DLC1: variants seen among roughly 807,000 people sequenced by gnomAD.
DLC1 encodes rho GTPase-activating protein 7.
DLC1 carries 54 observed loss-of-function variants against 140.3 expected under a neutral mutation model. The ratio of observed to expected loss-of-function variants is 0.38; its 90% confidence interval spans 0.31 to 0.48. The LOEUF is 0.48. Among genes scored for constraint, DLC1 ranks in the 20% least tolerant of loss-of-function variants. DLC1 has a pLI of 0.96. For missense variants in DLC1, 2,536 were observed against 1,907.0 expected, an observed-to-expected ratio of 1.33 and a Z score of -6.14; for synonymous variants, 986 against 728.1, an observed-to-expected ratio of 1.35 and a Z score of -5.70.
intron 5 of DLC1, among the ~76,000 whole-genome samples, chr8:13,173,320 T>C (rs1452445231): frequency 1.3e-5 from 2 of 151,926 alleles, no homozygotes; most frequent in African/African-American, 4.8e-5. Flanking sequence ...ATTTAACTTT[T>C]GATGCTTCTA....
At chr8:13,412,248 A>G (rs937408581) in intron 2 of DLC1, among the ~76,000 whole-genome samples, 1 of 152,218 alleles carries the variant, frequency 6.6e-6, no homozygotes, top group Non-Finnish European at 1.5e-5. Flanking sequence ...ATGAGAATTA[A>G]TATTTTTTTC....
At position 13,499,666 on chromosome 8, in the gene DLC1, A is replaced by T; in HGVS notation, c.406T>A (p.Ser136Thr). Residue 136 changes from serine (S) to threonine (T), a missense_variant, in exon 2 of 18, where the codon TCA (serine) becomes ACA (threonine). Physicochemically the swap from Ser to Thr is moderately conservative, Grantham distance 58 (BLOSUM62 1). Coordinates refer to ENST00000276297, the MANE Select transcript of DLC1 (RefSeq NM_182643.3). ...QVLNTQGQKTSGQHMIQGAGS... is the reference protein window; with the variant it reads ...QVLNTQGQKTTGQHMIQGAGS... ...GCTCCTTGGATCATATGTTGGCCTGATGTTTTCTGCCCTTGGGTATTTAAA... is the reference window on the plus strand; with the variant it reads ...GCTCCTTGGATCATATGTTGGCCTGTTGTTTTCTGCCCTTGGGTATTTAAA... 6.2e-7 allele frequency: 1 copy of T among 1,614,126 alleles called. No homozygotes were observed. Among genetic ancestry groups the T allele is most frequent in the Non-Finnish European group, 8.5e-7 (1 of 1,180,012 alleles).
intron 1 of DLC1, among the ~76,000 whole-genome samples, chr8:13,571,548 T>C (rs1486979269): frequency 6.6e-6 from 1 of 152,232 alleles, no homozygotes; most frequent in Non-Finnish European, 1.5e-5. Context: ...AGCTGAGTAA[T>C]ATTCCATTGT....
chr8:13,452,881 T>G (rs563380731), intron 2 of DLC1, among the ~76,000 whole-genome samples: 1 of 152,298 alleles, frequency 6.6e-6, no homozygotes, highest in East Asian at 1.9e-4. Context: ...CTCAGCTACC[T>G]CCACAGCTGT....
chr8:13,174,823 T>C (rs1205875640), intron 5 of DLC1, among the ~76,000 whole-genome samples: 1 of 151,892 alleles, frequency 6.6e-6, no homozygotes, highest in Non-Finnish European at 1.5e-5. Context: ...TTTACTCCAT[T>C]GATAATTTTT....
chr8:13,153,154 G>C (rs1307416903), intron 5 of DLC1, among the ~76,000 whole-genome samples: 1 of 152,222 alleles, frequency 6.6e-6, no homozygotes, highest in Admixed American at 6.5e-5. Context: ...AGATCTTAAA[G>C]ATGGTGTGTC....
chr8:13,085,737 C>T lies in DLC1; in HGVS notation c.*74G>A. On this transcript the variant is annotated 3_prime_UTR_variant, in exon 18 of 18. Transcript: ENST00000276297. ...TTTGTTTCAGGATTAGACACAGAAC[C>T]CATTCTTCAAGGACTGGCAAAAGTT... The T allele has an allele frequency of 1.9e-6, 3 of 1,600,602 alleles. No homozygotes were observed. The highest frequency in any genetic ancestry group is 2.6e-6 in the Non-Finnish European group (3 of 1,172,792).
chr8:13,437,143 G>T lies in DLC1; in HGVS notation c.1024-35524C>A, dbSNP rs190394518. ...CTTTTTGCTGTCTTCCTCTGTCTAC[G>T]CCATTCCTACTGTTTCTCAAGTTGA... On this transcript the variant is annotated intron_variant, in intron 2 of 17. Transcript: ENST00000276297. Among the ~76,000 whole-genome samples, 324 of 152,150 alleles carry T rather than the reference G, an allele frequency of 2.1e-3. 1 individual carries two copies. Among genetic ancestry groups the T allele is most frequent in the African/African-American group, 7.4e-3 (307 of 41,504 alleles).
intron 5 of DLC1, among the ~76,000 whole-genome samples, chr8:13,210,920 A>G (rs4831406): frequency 0.42 from 64,370 of 152,078 alleles, 14,602 homozygotes; most frequent in East Asian, 0.84. Context: ...TAGGAATAGA[A>G]TGAACATTTA....
chr8:13,396,476 C>A (rs1586272128), intron 3 of DLC1, among the ~76,000 whole-genome samples: 1 of 152,246 alleles, frequency 6.6e-6, no homozygotes, highest in African/African-American at 2.4e-5. Context: ...CCGTTTATTG[C>A]ATTTTTACCT....
At chr8:13,130,358 C>T (rs1441076625) in intron 5 of DLC1, among the ~76,000 whole-genome samples, 1 of 152,182 alleles carries the variant, frequency 6.6e-6, no homozygotes, top group Non-Finnish European at 1.5e-5. Context: ...TTTAAACTCA[C>T]TTCACAGTAA....
At chr8:13,407,991 T>G (rs1837638114) in intron 2 of DLC1, among the ~76,000 whole-genome samples, 1 of 148,566 alleles carries the variant, frequency 6.7e-6, no homozygotes, top group Non-Finnish European at 1.5e-5. Flanking sequence ...TTATTAAATC[T>G]CTTTTTTTAG....
intron 1 of DLC1, among the ~76,000 whole-genome samples, chr8:13,532,708 G>T (rs997950842): frequency 6.6e-6 from 1 of 152,042 alleles, no homozygotes; most frequent in African/African-American, 2.4e-5. Context: ...TCCCACTTCG[G>T]CCTCCCATAG....
At chr8:13,128,663 T>G (rs1821798927) in intron 5 of DLC1, among the ~76,000 whole-genome samples, 2 of 152,074 alleles carry the variant, frequency 1.3e-5, no homozygotes, top group Non-Finnish European at 2.9e-5. Context: ...AAACCCTGTT[T>G]CTACTAAAAA....
In DLC1 at chr8:13,092,767, G is replaced by T; in HGVS notation, c.3585C>A (p.Asp1195Glu). The T allele has an allele frequency of 6.2e-7, 1 of 1,614,066 alleles. No homozygotes were observed. Among genetic ancestry groups the T allele is most frequent in the Non-Finnish European group, 8.5e-7 (1 of 1,180,010 alleles). The change falls in exon 13 of 18, where the codon GAC becomes GAA. Residue 1195 changes from aspartate to glutamate, a missense_variant. Transcript: ENST00000276297. ...GGGTCTGCAGAACCTCCCGGTTCTC[G>T]TCAGGCAGCAGCATGATGGCAGCCT... Reference protein sequence around the residue: ...AIKAAIMLLPDENREVLQTLL... With the variant: ...AIKAAIMLLPEENREVLQTLL...
rs748284264 is a variant in DLC1 at position 13,132,620 on chromosome 8, C to G, written c.1349-16963G>C. Among the ~76,000 whole-genome samples the G allele has an allele frequency of 1.2e-3, 176 of 152,256 alleles. 1 individual carries two copies. The highest frequency in any genetic ancestry group is 2.0e-3 in the Non-Finnish European group (137 of 68,020). On this transcript the variant is annotated intron_variant, in intron 5 of 17. Transcript: ENST00000276297. ...CCCCTCGAGCCAGAGCCGCGAGCCC[C>G]CGCCCGGCTCAAGGAGGAAAGTGAA...
At chr8:13,506,404 C>G (rs1407275282) in intron 1 of DLC1, among the ~76,000 whole-genome samples, 1 of 151,378 alleles carries the variant, frequency 6.6e-6, no homozygotes, top group Non-Finnish European at 1.5e-5. Flanking sequence ...TGCCATTTTA[C>G]TTTTCTTTTC....
chr8:13,200,645 C>G (rs1827329089), intron 5 of DLC1, among the ~76,000 whole-genome samples: 1 of 151,998 alleles, frequency 6.6e-6, no homozygotes, highest in African/African-American at 2.4e-5. Context: ...CACTCTGTTG[C>G]CCAGGCTGGC....
intron 2 of DLC1, among the ~76,000 whole-genome samples, chr8:13,445,680 C>T (rs993323464): frequency 6.6e-6 from 1 of 152,060 alleles, no homozygotes; most frequent in Non-Finnish European, 1.5e-5. Context: ...ATAGGGAGGC[C>T]GAAGTTTTTG....
Sources: allele counts gnomAD v4.1 joint callset (sites outside exome capture counted in the v4.1 genomes callset), GRCh38; gene constraint gnomAD v4.1.1; transcripts MANE v1.5; gene names NCBI Gene and HGNC (gene_info 2026-07-23, HGNC 2026-07-21).